The following SLC24A3 variants were observed in gnomAD, a reference collection of about 807,000 sequenced individuals.
SLC24A3 encodes sodium/potassium/calcium exchanger 3.
SLC24A3 carries 28 observed loss-of-function variants against 75.8 expected under a neutral mutation model. That is an observed-to-expected ratio of 0.37 (90% CI 0.27 to 0.51). The LOEUF is 0.51. SLC24A3 is among the 20% of genes least tolerant of loss of function. SLC24A3 has a pLI of 0.94. For synonymous variants in SLC24A3, 372 were observed against 334.1 expected, an observed-to-expected ratio of 1.11 and a Z score of -1.24; for missense variants, 663 against 847.8, an observed-to-expected ratio of 0.78 and a Z score of 2.71.
At chr20:19,403,697 A>T (rs1300133138) in intron 2 of SLC24A3, among the ~76,000 whole-genome samples, 1 of 152,216 alleles carries the variant, frequency 6.6e-6, no homozygotes, top group Non-Finnish European at 1.5e-5. Flanking sequence ...GAGATGTAGC[A>T]GCAGGTAGGT....
intron 2 of SLC24A3, among the ~76,000 whole-genome samples, chr20:19,443,217 T>C (rs771903025): frequency 6.6e-5 from 10 of 152,176 alleles, no homozygotes; most frequent in Non-Finnish European, 1.3e-4. Context: ...ATCCACAAAA[T>C]TACTTGCTAT....
intron 8 of SLC24A3, among the ~76,000 whole-genome samples, chr20:19,672,733 T>G (rs2032482389): frequency 6.6e-6 from 1 of 152,198 alleles, no homozygotes; most frequent in Non-Finnish European, 1.5e-5. Context: ...GCTTTTCACT[T>G]TTTTATAAAC....
chr20:19,643,230 TG>T (rs2032096162), intron 6 of SLC24A3, among the ~76,000 whole-genome samples: 3 of 152,314 alleles, frequency 2.0e-5, no homozygotes, highest in South Asian at 4.1e-4. Context: ...GGGTTTTATT[TG>T]GGGGGTTGGG....
intron 9 of SLC24A3, among the ~76,000 whole-genome samples, chr20:19,679,812 T>C (rs2032588947): frequency 6.6e-6 from 1 of 152,230 alleles, no homozygotes; most frequent in African/African-American, 2.4e-5. Flanking sequence ...TCAAATAAAT[T>C]CCACTCATTA....
intron 6 of SLC24A3, among the ~76,000 whole-genome samples, chr20:19,609,199 A>G (rs559772576): frequency 6.6e-6 from 1 of 152,306 alleles, no homozygotes; most frequent in East Asian, 1.9e-4. Flanking sequence ...ATGCAGGAAA[A>G]TGAAATACGA....
chr20:19,470,364 G>A (rs1987849218), intron 2 of SLC24A3, among the ~76,000 whole-genome samples: 1 of 152,156 alleles, frequency 6.6e-6, no homozygotes, highest in Non-Finnish European at 1.5e-5. Flanking sequence ...TAGGATTTTA[G>A]GGCCAACTTT....
intron 1 of SLC24A3, among the ~76,000 whole-genome samples, chr20:19,218,694 C>CTTT (rs112564502): frequency 3.5e-5 from 5 of 143,920 alleles, no homozygotes; most frequent in Non-Finnish European, 4.5e-5. Flanking sequence ...TTGTGGGAAG[C>CTTT]TTTTTTTTTT....
intron 9 of SLC24A3, among the ~76,000 whole-genome samples, chr20:19,677,418 C>T (rs888217969): frequency 2.6e-5 from 4 of 152,012 alleles, no homozygotes; most frequent in Non-Finnish European, 4.4e-5. Flanking sequence ...GCATCCTTGT[C>T]GAATCTAGAA....
intron 1 of SLC24A3, among the ~76,000 whole-genome samples, chr20:19,268,291 A>G (rs1983226419): frequency 6.6e-6 from 1 of 152,190 alleles, no homozygotes; most frequent in Non-Finnish European, 1.5e-5. Context: ...TCATATTTTA[A>G]ATATTAAATA....
intron 3 of SLC24A3, among the ~76,000 whole-genome samples, chr20:19,536,988 A>G (rs1373366787): frequency 1.3e-5 from 2 of 152,220 alleles, no homozygotes; most frequent in East Asian, 3.8e-4. Context: ...TGTATAAAAC[A>G]CCAAAAGCAA....
chr20:19,650,652 T>C (rs921988913), intron 6 of SLC24A3, among the ~76,000 whole-genome samples: 1 of 152,066 alleles, frequency 6.6e-6, no homozygotes, highest in Non-Finnish European at 1.5e-5. Flanking sequence ...CCCTTCTCAC[T>C]ACCCAGCCCC....
chr20:19,577,155 T>C (rs754778156), intron 3 of SLC24A3, among the ~76,000 whole-genome samples: 2 of 151,838 alleles, frequency 1.3e-5, no homozygotes, highest in South Asian at 2.1e-4. Flanking sequence ...CCCAGGTTCA[T>C]GCCATTCTCC....
chr20:19,551,471 TA>T (rs1217700682), intron 3 of SLC24A3, among the ~76,000 whole-genome samples: 1 of 152,210 alleles, frequency 6.6e-6, no homozygotes, highest in Non-Finnish European at 1.5e-5. Context: ...AGTGGTATTT[TA>T]AATGAATTAT....
At chr20:19,457,162 G>T (rs1242065702) in intron 2 of SLC24A3, among the ~76,000 whole-genome samples, 1 of 152,142 alleles carries the variant, frequency 6.6e-6, no homozygotes, top group Admixed American at 6.5e-5. Context: ...AAACCCTAAT[G>T]GCGTAATCCC....
At chr20:19,515,467 T>C in intron 2 of SLC24A3, 21 bp from the exon 3 acceptor site, 1 of 1,613,712 alleles carries the variant, frequency 6.2e-7, no homozygotes, top group Non-Finnish European at 8.5e-7. Context: ...GCTGAGACGG[T>C]TTTCTTTCTC....
chr20:19,699,284 C>T (rs947705955), intron 15 of SLC24A3, among the ~76,000 whole-genome samples: 1 of 152,226 alleles, frequency 6.6e-6, no homozygotes, highest in Non-Finnish European at 1.5e-5. Flanking sequence ...AGATGCCATC[C>T]AGGCTGGCCA....
chr20:19,318,086 G>A (rs1984624612), intron 2 of SLC24A3, among the ~76,000 whole-genome samples: 1 of 152,156 alleles, frequency 6.6e-6, no homozygotes, highest in Non-Finnish European at 1.5e-5. Flanking sequence ...GATGGGAGGT[G>A]GTGTACAAAT....
chr20:19,554,347 T>C (rs2030749291), intron 3 of SLC24A3, among the ~76,000 whole-genome samples: 1 of 152,166 alleles, frequency 6.6e-6, no homozygotes, highest in African/African-American at 2.4e-5. Context: ...GAAGTAGAAA[T>C]TTTTTTCATT....
chr20:19,365,437 G>A (rs1019836984), intron 2 of SLC24A3, among the ~76,000 whole-genome samples: 2 of 152,146 alleles, frequency 1.3e-5, no homozygotes, highest in Non-Finnish European at 2.9e-5. Context: ...ATTGGGTGGG[G>A]ATTCCACTGT....
Sources: allele counts gnomAD v4.1 joint callset (sites outside exome capture counted in the v4.1 genomes callset), GRCh38; gene constraint gnomAD v4.1.1; transcripts MANE v1.5; gene names NCBI Gene and HGNC (gene_info 2026-07-23, HGNC 2026-07-21).